DSCAM: variants seen among roughly 807,000 people sequenced by gnomAD.
DSCAM encodes DS cell adhesion molecule, also known as cell adhesion molecule DSCAM.
A neutral mutation model predicts 217.7 loss-of-function variants in DSCAM; 47 were observed. The ratio of observed to expected loss-of-function variants is 0.22; its 90% CI spans 0.17 to 0.28. The LOEUF is 0.28. Among genes scored for constraint, DSCAM ranks in the 10% least tolerant of loss-of-function variants. The pLI is 1.00. For synonymous variants in DSCAM, 1,056 were observed against 1,015.3 expected (o/e 1.04, Z -0.76); for missense variants, 2,080 against 2,618.3 (o/e 0.79, Z 4.49).
chr21:40,079,350 T>C (rs1172970382), intron 25 of DSCAM, among the ~76,000 whole-genome samples: 1 of 152,126 alleles, frequency 6.6e-6, no homozygotes, highest in Non-Finnish European at 1.5e-5. Flanking sequence ...AGAGTTGGAT[T>C]TGGGAAGCAC....
intron 3 of DSCAM, among the ~76,000 whole-genome samples, chr21:40,495,194 A>G (rs554688646): frequency 6.6e-6 from 1 of 152,336 alleles, no homozygotes; most frequent in East Asian, 1.9e-4. Context: ...AATTATTTTA[A>G]AAAGTCTAAG....
intron 1 of DSCAM, among the ~76,000 whole-genome samples, chr21:40,831,159 T>C (rs1296923179): frequency 3.9e-5 from 6 of 152,258 alleles, no homozygotes; most frequent in Admixed American, 1.3e-4. Context: ...AGAACTGGTC[T>C]ATTTTCATCA....
chr21:40,686,228 CAGA>C (rs1568984951), intron 3 of DSCAM, among the ~76,000 whole-genome samples: 9 of 149,238 alleles, frequency 6.0e-5, no homozygotes, highest in South Asian at 2.1e-4. Flanking sequence ...CACACACACA[CAGA>C]GCTCACACAC....
intron 18 of DSCAM, among the ~76,000 whole-genome samples, chr21:40,138,626 T>A (rs567884697): frequency 8.4e-5 from 11 of 130,828 alleles, no homozygotes; most frequent in African/African-American, 2.9e-4. Flanking sequence ...GAGTGTGTGG[T>A]GTATGTGGGG....
At chr21:40,051,878 T>A in intron 30 of DSCAM, 80 bp downstream of exon 30, 1 of 1,514,570 alleles carries the variant, frequency 6.6e-7, no homozygotes, top group East Asian at 2.3e-5. Context: ...GCCACACATT[T>A]TCATTTGAGA....
intron 3 of DSCAM, among the ~76,000 whole-genome samples, chr21:40,533,603 G>GTCCA (rs1215587677): frequency 7.9e-5 from 8 of 101,434 alleles, no homozygotes; most frequent in African/African-American, 1.9e-4. Flanking sequence ...CCACCTGTCT[G>GTCCA]TCCATCCATC....
intron 30 of DSCAM, among the ~76,000 whole-genome samples, chr21:40,044,620 C>CTG (rs2088814098): frequency 6.6e-6 from 1 of 151,918 alleles, no homozygotes; most frequent in Admixed American, 6.6e-5. Context: ...AATTACAGGA[C>CTG]AAAACAAGAA....
At chr21:40,562,343 T>C (rs1023997411) in intron 3 of DSCAM, among the ~76,000 whole-genome samples, 1 of 152,202 alleles carries the variant, frequency 6.6e-6, no homozygotes, top group Admixed American at 6.5e-5. Context: ...ATGTAAGATG[T>C]GCCTGCCTCC....
intron 3 of DSCAM, among the ~76,000 whole-genome samples, chr21:40,389,283 C>T (rs2837605): frequency 0.68 from 103,384 of 152,064 alleles, 35,985 homozygotes; most frequent in African/African-American, 0.82. Flanking sequence ...CATTTCCTGA[C>T]ATTAAATTTT....
intron 6 of DSCAM, among the ~76,000 whole-genome samples, chr21:40,347,101 C>G (rs984600823): frequency 3.3e-5 from 5 of 152,000 alleles, no homozygotes; most frequent in African/African-American, 1.2e-4. Flanking sequence ...AAATTGGAGA[C>G]CAGCCTGACC....
At chr21:40,711,904 T>A (rs78128909) in intron 1 of DSCAM, among the ~76,000 whole-genome samples, 4,490 of 152,292 alleles carry the variant, frequency 0.029, 228 homozygotes, top group African/African-American at 0.1. Context: ...CAACTCTTCC[T>A]CTGAGCATCT....
At chr21:40,798,507 A>G (rs1274071015) in intron 1 of DSCAM, among the ~76,000 whole-genome samples, 2 of 152,126 alleles carry the variant, frequency 1.3e-5, no homozygotes, top group African/African-American at 4.8e-5. Context: ...TTTTCAAATA[A>G]CACACCAAAA....
intron 3 of DSCAM, among the ~76,000 whole-genome samples, chr21:40,456,201 T>C (rs2075762285): frequency 6.6e-6 from 1 of 152,008 alleles, no homozygotes; most frequent in African/African-American, 2.4e-5. Flanking sequence ...CACAATGCCC[T>C]AAGAATAGTT....
chr21:40,203,358 C>G (rs1326981738), intron 11 of DSCAM, among the ~76,000 whole-genome samples: 1 of 152,210 alleles, frequency 6.6e-6, no homozygotes. Context: ...AGCCCTGAAC[C>G]AGCATCACCT....
chr21:40,164,066 G>A (rs1314280981), intron 16 of DSCAM, among the ~76,000 whole-genome samples: 1 of 152,142 alleles, frequency 6.6e-6, no homozygotes, highest in Non-Finnish European at 1.5e-5. Flanking sequence ...AACTGAGTAA[G>A]CCTCTCTTCC....
At chr21:40,676,738 C>A (rs1298493627) in intron 3 of DSCAM, among the ~76,000 whole-genome samples, 1 of 152,150 alleles carries the variant, frequency 6.6e-6, no homozygotes, top group Non-Finnish European at 1.5e-5. Context: ...AAATTACCTG[C>A]AAGGCTGAGA....
At chr21:40,220,853 C>T (rs2146902992) in intron 11 of DSCAM, among the ~76,000 whole-genome samples, 1 of 152,324 alleles carries the variant, frequency 6.6e-6, no homozygotes, top group South Asian at 2.1e-4. Context: ...GTCATTTATC[C>T]TTCTGCGCTC....
intron 1 of DSCAM, among the ~76,000 whole-genome samples, chr21:40,762,197 A>G (rs1358074516): frequency 1.3e-5 from 2 of 152,162 alleles, no homozygotes; most frequent in African/African-American, 4.8e-5. Context: ...AGATTAACAA[A>G]ATAGATAGAC....
At chr21:40,335,301 G>C (rs1180857345) in intron 8 of DSCAM, among the ~76,000 whole-genome samples, 2 of 152,090 alleles carry the variant, frequency 1.3e-5, no homozygotes, top group Non-Finnish European at 2.9e-5. Context: ...GAGCTGACAA[G>C]TTTTATACTA....
Sources: gnomAD v4.1 joint callset for allele counts (sites outside exome capture counted in the v4.1 genomes callset) on GRCh38, gnomAD v4.1.1 for gene constraint, MANE v1.5 for transcripts, NCBI Gene and HGNC (gene_info 2026-07-23, HGNC 2026-07-21) for gene names.